DLG2: variants seen among roughly 807,000 people sequenced by gnomAD.
The protein encoded by DLG2 is discs large MAGUK scaffold protein 2.
In DLG2, 45 loss-of-function variants were observed where a neutral mutation model predicts 132.5. That is an observed-to-expected ratio of 0.34 (90% CI 0.27 to 0.44). The LOEUF (loss-of-function observed/expected upper bound fraction) is 0.44, where lower values mean the gene tolerates loss of function less well. Among genes scored for constraint, DLG2 ranks in the 20% least tolerant of loss-of-function variants. The pLI, the probability that DLG2 is intolerant of heterozygous loss-of-function variation, is 1.00. For synonymous variants in DLG2, 424 were observed against 419.6 expected (o/e 1.01, Z -0.13); for missense variants, 1,045 against 1,196.9 (o/e 0.87, Z 1.87).
At chr11:85,244,591 C>G (rs927684019) in intron 4 of DLG2, among the ~76,000 whole-genome samples, 20 of 151,878 alleles carry the variant, frequency 1.3e-4, no homozygotes, top group African/African-American at 4.8e-4. Flanking sequence ...AATCAGATTG[C>G]TATTGATGCC....
intron 15 of DLG2, among the ~76,000 whole-genome samples, chr11:83,917,723 A>G (rs189276425): frequency 2.6e-5 from 4 of 152,316 alleles, no homozygotes; most frequent in African/African-American, 9.6e-5. Flanking sequence ...AAGACTATAA[A>G]TCACAGTCGT....
intron 7 of DLG2, among the ~76,000 whole-genome samples, chr11:84,263,962 G>A (rs895074239): frequency 5.3e-5 from 8 of 152,092 alleles, no homozygotes; most frequent in African/African-American, 1.9e-4. Flanking sequence ...CAGGGTACAG[G>A]ATATTTTAGT....
At chr11:83,984,046 G>T (rs1315117327) in intron 11 of DLG2, among the ~76,000 whole-genome samples, 1 of 151,972 alleles carries the variant, frequency 6.6e-6, no homozygotes, top group Non-Finnish European at 1.5e-5. Flanking sequence ...AAATGCCACG[G>T]TCTTAGCTAC....
chr11:84,033,333 T>C (rs1172925493), intron 11 of DLG2, among the ~76,000 whole-genome samples: 1 of 152,132 alleles, frequency 6.6e-6, no homozygotes, highest in Non-Finnish European at 1.5e-5. Flanking sequence ...ACAGATGACT[T>C]TGAAGAATTC....
intron 7 of DLG2, 92 bp from the exon 8 acceptor site, chr11:84,251,383 G>T: frequency 1.0e-6 from 1 of 999,342 alleles, no homozygotes; most frequent in African/African-American, 1.7e-5. Context: ...GAGCTCAACA[G>T]GCATTTCTTG....
chr11:85,168,930 A>G (rs2078650372), intron 4 of DLG2, among the ~76,000 whole-genome samples: 3 of 152,140 alleles, frequency 2.0e-5, no homozygotes, highest in Admixed American at 6.6e-5. Flanking sequence ...TTCAGGATAC[A>G]CTGTTAAAGT....
At chr11:84,211,899 T>G (rs2096760458) in intron 8 of DLG2, among the ~76,000 whole-genome samples, 1 of 152,154 alleles carries the variant, frequency 6.6e-6, no homozygotes, top group Non-Finnish European at 1.5e-5. Context: ...ATTTCCAAAC[T>G]TAGAATATAT....
At chr11:83,972,051 A>G (rs2091440432) in intron 12 of DLG2, among the ~76,000 whole-genome samples, 1 of 152,176 alleles carries the variant, frequency 6.6e-6, no homozygotes, top group Admixed American at 6.6e-5. Flanking sequence ...ATTATGAGAC[A>G]CACACAGCAG....
chr11:84,197,053 AAAAG>A (rs1566899230), intron 8 of DLG2, among the ~76,000 whole-genome samples: 1 of 148,384 alleles, frequency 6.7e-6, no homozygotes. Flanking sequence ...AAAAAAAAAA[AAAAG>A]AAAGAAAAGA....
chr11:84,510,096 T>TATC (rs1354814691), intron 7 of DLG2, among the ~76,000 whole-genome samples: 276 of 96,854 alleles, frequency 2.8e-3, no homozygotes, highest in Admixed American at 0.015. Flanking sequence ...AGAGTTCACT[T>TATC]ATTATTATTA....
intron 3 of DLG2, among the ~76,000 whole-genome samples, chr11:85,466,261 G>A (rs571963274): frequency 1.3e-5 from 2 of 152,170 alleles, no homozygotes; most frequent in African/African-American, 4.8e-5. Context: ...TCTGTAGGTT[G>A]CCTGTTCACT....
intron 18 of DLG2, among the ~76,000 whole-genome samples, chr11:83,734,605 A>G (rs2091628651): frequency 6.6e-6 from 1 of 151,976 alleles, no homozygotes; most frequent in South Asian, 2.1e-4. Flanking sequence ...CACAGGCTAC[A>G]ATGCCAGGCT....
intron 2 of DLG2, among the ~76,000 whole-genome samples, chr11:85,608,613 G>A (rs529392837): frequency 1.3e-5 from 2 of 151,990 alleles, no homozygotes; most frequent in Admixed American, 6.5e-5. Context: ...TAATCTCCCC[G>A]GCCCAGAAGG....
intron 6 of DLG2, chr11:84,546,683 G>A: frequency 1.9e-6 from 1 of 526,890 alleles, no homozygotes; most frequent in Non-Finnish European, 3.7e-6. Flanking sequence ...CAAAGGCCCT[G>A]GAGCAATTGG....
chr11:84,493,545 T>C (rs2099170964), intron 7 of DLG2, among the ~76,000 whole-genome samples: 1 of 152,082 alleles, frequency 6.6e-6, no homozygotes, highest in African/African-American at 2.4e-5. Context: ...CCTTGGATAC[T>C]GTAGTAGTCA....
chr11:84,536,030 G>T (rs1015734222), intron 6 of DLG2, among the ~76,000 whole-genome samples: 1 of 151,716 alleles, frequency 6.6e-6, no homozygotes, highest in Non-Finnish European at 1.5e-5. Context: ...CCACTCCAGG[G>T]ATGGTAATTC....
intron 3 of DLG2, among the ~76,000 whole-genome samples, chr11:85,549,768 A>G (rs2076559151): frequency 6.6e-6 from 1 of 152,236 alleles, no homozygotes; most frequent in African/African-American, 2.4e-5. Flanking sequence ...ACCTTTGGTC[A>G]TCCTCACTGC....
intron 2 of DLG2, among the ~76,000 whole-genome samples, chr11:85,622,242 CAACAAA>C (rs1271666920): frequency 1.3e-5 from 2 of 152,044 alleles, no homozygotes; most frequent in Non-Finnish European, 2.9e-5. Context: ...GTACTGTATA[CAACAAA>C]TATTTTGGTT....
intron 15 of DLG2, among the ~76,000 whole-genome samples, chr11:83,906,636 T>C (rs2075038029): frequency 6.6e-6 from 1 of 152,160 alleles, no homozygotes. Context: ...GCACTTTATA[T>C]GTGCCACTTA....
Sources: allele counts gnomAD v4.1 joint callset (sites outside exome capture counted in the v4.1 genomes callset), GRCh38; gene constraint gnomAD v4.1.1; transcripts MANE v1.5; gene names NCBI Gene and HGNC (gene_info 2026-07-23, HGNC 2026-07-21).